The following FGF14 variants were observed in gnomAD, a reference collection of about 807,000 sequenced individuals.
FGF14 encodes the protein fibroblast growth factor homologous factor 4.
FGF14 carries 5 observed loss-of-function variants against 25.5 expected under a neutral mutation model. The observed-to-expected ratio is 0.20, with a 90% CI of 0.10 to 0.41. The LOEUF (loss-of-function observed/expected upper bound fraction) is 0.41. Among genes scored for constraint, FGF14 ranks in the 10% least tolerant of loss-of-function variants. FGF14 has a pLI of 1.00. For missense variants in FGF14, 222 were observed against 320.1 expected (o/e 0.69, Z 2.34); for synonymous variants, 138 against 118.3 (o/e 1.17, Z -1.08).
At chr13:102,158,524 G>A (rs1046892911) in intron 1 of FGF14, among the ~76,000 whole-genome samples, 4 of 147,392 alleles carry the variant, frequency 2.7e-5, no homozygotes, top group Middle Eastern at 3.5e-3. Flanking sequence ...CTGTTGTGGG[G>A]TGGGGGTAGC....
chr13:102,109,179 A>C (rs2045087439), intron 1 of FGF14, among the ~76,000 whole-genome samples: 1 of 152,120 alleles, frequency 6.6e-6, no homozygotes, highest in Admixed American at 6.6e-5. Flanking sequence ...TTTGATTCGA[A>C]CTCAATTATA....
intron 1 of FGF14, among the ~76,000 whole-genome samples, chr13:102,300,730 C>T (rs2054993546): frequency 6.6e-6 from 1 of 152,072 alleles, no homozygotes; most frequent in Non-Finnish European, 1.5e-5. Flanking sequence ...ATACACAGTG[C>T]ATATTTGTTG....
intron 1 of FGF14, among the ~76,000 whole-genome samples, chr13:102,045,248 TG>T (rs1211996314): frequency 6.6e-6 from 1 of 151,912 alleles, no homozygotes; most frequent in Non-Finnish European, 1.5e-5. Flanking sequence ...TAGGGATGAC[TG>T]GAAAGGAAAC....
intron 1 of FGF14, among the ~76,000 whole-genome samples, chr13:101,938,805 A>T (rs1353293958): frequency 6.6e-6 from 1 of 152,184 alleles, no homozygotes; most frequent in Non-Finnish European, 1.5e-5. Flanking sequence ...GCTTCTTCAA[A>T]TTCTTAGCTG....
At chr13:102,313,489 C>T (rs553051908) in intron 1 of FGF14, among the ~76,000 whole-genome samples, 44 of 151,970 alleles carry the variant, frequency 2.9e-4, no homozygotes, top group African/African-American at 9.2e-4. Flanking sequence ...GAAACAGTCC[C>T]GATTTTACAG....
chr13:101,785,862 C>CAATGCATGGACCCCACTCCCTA (rs2039793129), intron 3 of FGF14, among the ~76,000 whole-genome samples: 7 of 152,148 alleles, frequency 4.6e-5, no homozygotes, highest in Admixed American at 4.6e-4. Context: ...GTTTTAATAA[C>CAATGCATGGACCCCACTCCCTA]AATGCATGGA....
intron 1 of FGF14, among the ~76,000 whole-genome samples, chr13:102,017,780 T>G (rs2040422985): frequency 6.6e-6 from 1 of 152,172 alleles, no homozygotes; most frequent in Admixed American, 6.6e-5. Flanking sequence ...CTATCCTCTC[T>G]ATCTCTTTGC....
intron 3 of FGF14, among the ~76,000 whole-genome samples, chr13:101,830,627 C>T (rs1206361657): frequency 6.6e-6 from 1 of 152,106 alleles, no homozygotes; most frequent in African/African-American, 2.4e-5. Flanking sequence ...CTCTGTGACT[C>T]ATTTTCCTAA....
At chr13:102,197,407 GGCTCTT>G (rs2049411268) in intron 1 of FGF14, among the ~76,000 whole-genome samples, 1 of 151,984 alleles carries the variant, frequency 6.6e-6, no homozygotes, top group Non-Finnish European at 1.5e-5. Flanking sequence ...CTCTAGGTGG[GGCTCTT>G]GCTTTTCCTG....
intron 1 of FGF14, among the ~76,000 whole-genome samples, chr13:101,988,653 CA>C (rs2038724962): frequency 7.6e-6 from 1 of 132,222 alleles, no homozygotes; most frequent in Non-Finnish European, 1.5e-5. Context: ...GGGAATTGAA[CA>C]ATGAGAACAC....
At chr13:101,839,765 C>A (rs930895147) in intron 3 of FGF14, among the ~76,000 whole-genome samples, 1 of 151,934 alleles carries the variant, frequency 6.6e-6, no homozygotes, top group Non-Finnish European at 1.5e-5. Context: ...AACGGTACAT[C>A]ATTTTGACGA....
chr13:101,867,934 A>ACACG (rs1423363736), intron 3 of FGF14, among the ~76,000 whole-genome samples: 95 of 133,910 alleles, frequency 7.1e-4, no homozygotes, highest in Middle Eastern at 3.5e-3. Context: ...ACACACACAC[A>ACACG]CGCGCACACA....
chr13:102,105,402 C>A (rs917337128), intron 1 of FGF14, among the ~76,000 whole-genome samples: 7 of 152,034 alleles, frequency 4.6e-5, no homozygotes, highest in African/African-American at 1.7e-4. Flanking sequence ...ATATTTTTTT[C>A]ATGAGGAAAC....
intron 1 of FGF14, among the ~76,000 whole-genome samples, chr13:102,034,905 T>C (rs1373794173): frequency 6.6e-6 from 1 of 152,114 alleles, no homozygotes; most frequent in Non-Finnish European, 1.5e-5. Flanking sequence ...TCCATTATTG[T>C]TCCATTTTGC....
At chr13:102,178,547 C>T (rs984389706) in intron 1 of FGF14, among the ~76,000 whole-genome samples, 7 of 152,100 alleles carry the variant, frequency 4.6e-5, no homozygotes, top group Admixed American at 1.3e-4. Flanking sequence ...CATCCCCCTC[C>T]CACCCTTCCA....
At chr13:102,257,608 G>C (rs566387004) in intron 1 of FGF14, among the ~76,000 whole-genome samples, 3 of 151,918 alleles carry the variant, frequency 2.0e-5, no homozygotes, top group African/African-American at 4.8e-5. Context: ...GCTAGGATTA[G>C]AGGTGTGAGC....
At position 101,907,615 on chromosome 13, in the gene FGF14, G is replaced by A. The variant is rs1594682408; in HGVS notation, c.193+8838C>T. The stretch of plus-strand genomic sequence containing the variant: ...AGAAAGGGTCCAAGAGAGAATGGGA[G>A]AAGGATAGTTGCAATTTCTCTTTCA... On this transcript the variant is annotated intron_variant, in intron 1 of 4. Transcript: ENST00000376143. Among the ~76,000 whole-genome samples the A allele has an allele frequency of 3.3e-5, 5 of 152,256 alleles. No homozygotes were observed. In the East Asian group the frequency reaches 5.8e-4, roughly 18 times the overall value.
chr13:101,780,938 A>C (rs1384552970), intron 3 of FGF14, among the ~76,000 whole-genome samples: 2 of 152,100 alleles, frequency 1.3e-5, no homozygotes, highest in Non-Finnish European at 2.9e-5. Context: ...ATGCACCTGC[A>C]TGGCCTTCCC....
chr13:101,797,772 T>TGTGTGTGTGTGCGCGC (rs1555384576), intron 3 of FGF14, among the ~76,000 whole-genome samples: 1 of 145,670 alleles, frequency 6.9e-6, no homozygotes, highest in African/African-American at 2.5e-5. Flanking sequence ...TGTGTGTGTG[T>TGTGTGTGTGTGCGCGC]GTGTGTGTGT....
Sources: gnomAD v4.1 joint callset for allele counts (sites outside exome capture counted in the v4.1 genomes callset) on GRCh38, gnomAD v4.1.1 for gene constraint, MANE v1.5 for transcripts, NCBI Gene and HGNC (gene_info 2026-07-23, HGNC 2026-07-21) for gene names.